The following SYNJ1 variants were observed in gnomAD, a reference collection of about 807,000 sequenced individuals.
SYNJ1 encodes the protein polyphosphatidylinositol phosphatase SYNJ1.
SYNJ1 carries 78 observed loss-of-function variants against 168.2 expected under a neutral mutation model. That is an observed-to-expected ratio of 0.46 (90% CI 0.39 to 0.56). SYNJ1 has a LOEUF of 0.56. SYNJ1 is among the 20% of genes least tolerant of loss of function. The pLI, the probability that SYNJ1 is intolerant of heterozygous loss-of-function variation, is 0.00. For synonymous variants in SYNJ1, 539 were observed against 548.6 expected, an observed-to-expected ratio of 0.98 and a Z score of 0.24; for missense variants, 1,303 against 1,597.6, an observed-to-expected ratio of 0.82 and a Z score of 3.14.
chr21:32,673,137 T>C (rs2041269583), intron 14 of SYNJ1, among the ~76,000 whole-genome samples: 1 of 152,218 alleles, frequency 6.6e-6, no homozygotes, highest in South Asian at 2.1e-4. Flanking sequence ...TATATTTTTA[T>C]GAAGTAGAAA....
intron 5 of SYNJ1, 117 bp downstream of exon 5, chr21:32,694,939 TC>T: frequency 9.1e-7 from 1 of 1,102,830 alleles, no homozygotes; most frequent in Non-Finnish European, 1.3e-6. Context: ...CCAAGAACAA[TC>T]ATAAAACATT....
chr21:32,681,760 G>T, intron 10 of SYNJ1, 112 bp from the exon 11 acceptor site: 1 of 938,344 alleles, frequency 1.1e-6, no homozygotes, highest in Non-Finnish European at 1.5e-6. Context: ...CACTATTTGG[G>T]ACTAGCTTCT....
At position 32,638,764 on chromosome 21, in the gene SYNJ1, A is replaced by G. The variant is rs930947578; in HGVS notation, c.3915+144T>C. On this transcript the variant is annotated intron_variant, in intron 31 of 32. Coordinates refer to ENST00000674351, the MANE Select transcript of SYNJ1 (RefSeq NM_203446.3). The stretch of plus-strand genomic sequence containing the variant: ...AACATATATATATATATACACATAT[A>G]TATGTATAATAACAAATATAAAAAG... The G allele has an allele frequency of 6.4e-6, 4 of 624,118 alleles. No homozygotes were observed. The African/African-American group carries it at 7.4e-5, about 11-fold the overall frequency. 38.7% of individuals were successfully genotyped at this position (624,118 alleles called of 1,614,324 possible). A position where few individuals can be genotyped will look rare whatever the true frequency, so the allele number is the denominator to read the frequency against.
Position 32,631,735 on chromosome 21 carries a change from G to C in SYNJ1, c.*70C>G. 2 of 1,614,202 alleles carry C rather than the reference G, an allele frequency of 1.2e-6. No homozygotes were observed. The highest frequency in any genetic ancestry group is 1.7e-6 in the Non-Finnish European group (2 of 1,180,038). On this transcript the variant is annotated 3_prime_UTR_variant, in exon 33 of 33. Coordinates refer to ENST00000674351, the MANE Select transcript of SYNJ1 (RefSeq NM_203446.3). ...GATACAGCAAGCAGATTAAATGACA[G>C]ATCTTCAAATGGGTCAATCTTTAAT...
intron 4 of SYNJ1, among the ~76,000 whole-genome samples, chr21:32,698,421 G>A (rs748420161): frequency 6.6e-6 from 1 of 152,188 alleles, no homozygotes; most frequent in Non-Finnish European, 1.5e-5. Flanking sequence ...GACAGTGAAA[G>A]TGTGAGAGAG....
rs1304542849 is a variant in SYNJ1 at position 32,666,513 on chromosome 21, C to A, written c.1872G>T (p.Lys624Asn). ...ACTGTTCAGAAGCCAGCAGCACATA[C>A]TTGTTGTCTCTGGAGATTGTCTTCT... ...ELQKTISRDNKYVLLASEQLV... is the reference protein window; with the variant it reads ...ELQKTISRDNNYVLLASEQLV... The change falls in exon 16 of 33, where the codon AAG (lysine) becomes AAT (asparagine). Residue 624 changes from lysine to asparagine, a missense_variant. This residue lies in a region of SYNJ1 where 920 missense variants were observed against 1,208.8 expected (regional missense o/e 0.76). Coordinates refer to ENST00000674351, the MANE Select transcript of SYNJ1 (RefSeq NM_203446.3). The A allele has an allele frequency of 6.2e-7, 1 of 1,614,150 alleles. No homozygotes were observed. Among genetic ancestry groups the A allele is most frequent in the South Asian group, 1.1e-5 (1 of 91,084 alleles).
chr21:32,634,921 A>G, intron 31 of SYNJ1, 37 bp from the exon 32 acceptor site: 1 of 1,612,736 alleles, frequency 6.2e-7, no homozygotes, highest in Non-Finnish European at 8.5e-7. Flanking sequence ...GGAAAGAGTT[A>G]GGAGGACAAT....
At chr21:32,642,264 T>G (rs2039874821) in intron 27 of SYNJ1, 131 bp from the exon 28 acceptor site, 1 of 944,100 alleles carries the variant, frequency 1.1e-6, no homozygotes, top group Admixed American at 2.1e-5. Context: ...AACAAAGCAC[T>G]TTGCTTTGTA....
chr21:32,695,021 A>C (rs1208665635), intron 5 of SYNJ1, 36 bp downstream of exon 5: 2 of 1,555,830 alleles, frequency 1.3e-6, no homozygotes, highest in Non-Finnish European at 1.8e-6. Flanking sequence ...TTCTCCTATA[A>C]TAAATTAATT....
At chr21:32,688,631 GA>G (rs1234131099) in intron 6 of SYNJ1, among the ~76,000 whole-genome samples, 1 of 152,078 alleles carries the variant, frequency 6.6e-6, no homozygotes, top group Non-Finnish European at 1.5e-5. Context: ...TTTTATTGAT[GA>G]AAACTATTTT....
chr21:32,645,804 G>T lies in SYNJ1; in HGVS notation c.3248-15C>A, dbSNP rs1400983003. 3.3e-6 allele frequency: 5 copies of T among 1,497,472 alleles called. No homozygotes were observed. The highest frequency in any genetic ancestry group is 1.3e-5 in the South Asian group (1 of 75,966). The allele number at this position is 1,497,472 out of a possible 1,614,324, so 92.8% of individuals were successfully genotyped here. On this transcript the variant is annotated splice_polypyrimidine_tract_variant and intron_variant, in intron 24 of 32. Transcript: ENST00000674351. ...AATAGGAGAACCTAAAAAGCGCACAGGAGGTAAGAAGATCAGCTTCTAAGT... is the reference window on the plus strand; with the variant it reads ...AATAGGAGAACCTAAAAAGCGCACATGAGGTAAGAAGATCAGCTTCTAAGT...
intron 28 of SYNJ1, 43 bp downstream of exon 28, chr21:32,642,052 G>T (rs191540865): frequency 1.2e-6 from 2 of 1,613,098 alleles, no homozygotes; most frequent in Non-Finnish European, 8.5e-7. Flanking sequence ...TCTATTTCAC[G>T]GTCCAGTTTT....
At chr21:32,644,927 T>C (rs1308219390) in intron 26 of SYNJ1, 41 bp downstream of exon 26, 3 of 1,595,516 alleles carry the variant, frequency 1.9e-6, no homozygotes, top group South Asian at 2.3e-5. Context: ...AAAACATTAA[T>C]GAACCACGAT....
In SYNJ1 at chr21:32,656,889, G is replaced by A; in HGVS notation, c.2593C>T (p.Leu865=). The A allele has an allele frequency of 6.2e-7, 1 of 1,613,942 alleles. No homozygotes were observed. The highest frequency in any genetic ancestry group is 8.5e-7 in the Non-Finnish European group (1 of 1,179,974). The change falls in exon 21 of 33, where the codon CTG becomes TTG. Residue 865 remains leucine (L), a synonymous_variant. Coordinates refer to ENST00000674351, the MANE Select transcript of SYNJ1 (RefSeq NM_203446.3). ...ACTTCAAATATATCTATATCAATCAGGGCAACGACAGGCCTTAAGGCATAA... is the reference window on the plus strand; with the variant it reads ...ACTTCAAATATATCTATATCAATCAAGGCAACGACAGGCCTTAAGGCATAA... ...KTSDHRPVVA[L]IDIDIFEVEA...
At chr21:32,689,442 G>A (rs2041945623) in intron 6 of SYNJ1, among the ~76,000 whole-genome samples, 1 of 152,040 alleles carries the variant, frequency 6.6e-6, no homozygotes, top group African/African-American at 2.4e-5. Flanking sequence ...GACTACAGGC[G>A]CCCGCCACCA....
chr21:32,653,659 C>T (rs1178608864), intron 21 of SYNJ1: 3 of 265,620 alleles, frequency 1.1e-5, no homozygotes, highest in African/African-American at 4.5e-5. Flanking sequence ...ATTTCATTGA[C>T]AAGGCAAAAA....
At chr21:32,671,391 A>C (rs559288537) in intron 14 of SYNJ1, among the ~76,000 whole-genome samples, 1 of 152,334 alleles carries the variant, frequency 6.6e-6, no homozygotes, top group Non-Finnish European at 1.5e-5. Flanking sequence ...ATTATGTGCA[A>C]GTCTCATGCA....
chr21:32,725,343 T>C (rs1442673238), intron 2 of SYNJ1, among the ~76,000 whole-genome samples: 5 of 152,164 alleles, frequency 3.3e-5, no homozygotes. Context: ...CCACTTGTAG[T>C]AAAAAATATA....
rs1346978833 is a variant in SYNJ1 at position 32,630,907 on chromosome 21, C to CTTAT, written c.*894_*897dup. ...GAAGATATCAGTGCACTTACAATGA[C>CTTAT]TTATTGCACATAATGAAATACTAAT... On this transcript the variant is annotated 3_prime_UTR_variant, in exon 33 of 33. Coordinates refer to ENST00000674351, the MANE Select transcript of SYNJ1 (RefSeq NM_203446.3). 7.8e-7 allele frequency: 1 copy of CTTAT among 1,275,144 alleles called. No homozygotes were observed. Among genetic ancestry groups the CTTAT allele is most frequent in the Non-Finnish European group, 1.1e-6 (1 of 926,246 alleles). The allele number at this position is 1,275,144 out of a possible 1,614,324, so 79.0% of individuals were successfully genotyped here. A position where few individuals can be genotyped will look rare whatever the true frequency, so the allele number is the denominator to read the frequency against.
Sources: allele counts gnomAD v4.1 joint callset (sites outside exome capture counted in the v4.1 genomes callset), GRCh38; gene constraint gnomAD v4.1.1; regional missense constraint gnomAD v4.1.1; transcripts MANE v1.5; gene names NCBI Gene and HGNC (gene_info 2026-07-23, HGNC 2026-07-21).